Variants in RNF180 observed in about 807,000 individuals in gnomAD.
The protein encoded by RNF180 is ring finger protein 180.
RNF180 carries 38 observed loss-of-function variants against 59.2 expected under a neutral mutation model. The observed-to-expected ratio is 0.64, with a 90% CI of 0.50 to 0.84. The LOEUF (loss-of-function observed/expected upper bound fraction) is 0.84. RNF180 is among the 40% of genes least tolerant of loss of function. RNF180 has a pLI of 0.00. For synonymous variants in RNF180, 262 were observed against 240.3 expected (o/e 1.09, Z -0.84); for missense variants, 705 against 700.9 (o/e 1.01, Z -0.07).
At chr5:64,242,891 G>C (rs1003595533) in intron 5 of RNF180, among the ~76,000 whole-genome samples, 5 of 152,168 alleles carry the variant, frequency 3.3e-5, no homozygotes, top group African/African-American at 1.2e-4. Context: ...GAGTTACCCA[G>C]TTCATCTCAC....
intron 5 of RNF180, among the ~76,000 whole-genome samples, chr5:64,305,218 G>A (rs1233363643): frequency 6.6e-6 from 1 of 151,538 alleles, no homozygotes; most frequent in African/African-American, 2.4e-5. Context: ...AACCCGCAGT[G>A]TCTCCAAGGT....
At chr5:64,343,295 A>C (rs925144642) in intron 7 of RNF180, among the ~76,000 whole-genome samples, 2 of 152,168 alleles carry the variant, frequency 1.3e-5, no homozygotes, top group African/African-American at 4.8e-5. Context: ...CTATAAAAAA[A>C]GAATAAAACA....
chr5:64,317,175 T>C (rs1405376154), intron 5 of RNF180, among the ~76,000 whole-genome samples: 4 of 152,168 alleles, frequency 2.6e-5, no homozygotes, highest in African/African-American at 9.7e-5. Flanking sequence ...CACACACATA[T>C]ACAGGCATAC....
chr5:64,174,685 C>T (rs1266744745), intron 1 of RNF180, among the ~76,000 whole-genome samples: 2 of 152,010 alleles, frequency 1.3e-5, no homozygotes, highest in Non-Finnish European at 2.9e-5. Flanking sequence ...AGTTAAGTTC[C>T]TTATATCTTC....
At chr5:64,168,433 GCTTA>G (rs1479986543) in intron 1 of RNF180, among the ~76,000 whole-genome samples, 13 of 152,314 alleles carry the variant, frequency 8.5e-5, no homozygotes, top group Non-Finnish European at 1.5e-4. Context: ...AGGGGACAGT[GCTTA>G]CTTGTAGGCT....
At position 64,214,220 on chromosome 5, in the gene RNF180, C is replaced by T. The variant is rs1175629996; in HGVS notation, c.894C>T (p.Ala298=). ...PSMLLQRFSV[A]PHETQTQRGG... ...TGCTGCTGCAAAGATTTTCAGTGGC[C>T]CCCCATGAGACCCAGACACAAAGAG... Residue 298 remains alanine, a synonymous_variant, in exon 4 of 8, where the codon GCC becomes GCT. Transcript: ENST00000389100. The T allele has an allele frequency of 1.3e-5, 21 of 1,613,776 alleles. No homozygotes were observed. The highest frequency in any genetic ancestry group is 1.7e-5 in the Non-Finnish European group (20 of 1,179,960).
chr5:64,207,347 A>G (rs1452212085), intron 2 of RNF180, among the ~76,000 whole-genome samples: 1 of 152,068 alleles, frequency 6.6e-6, no homozygotes, highest in East Asian at 1.9e-4. Context: ...GATATGATGG[A>G]TAAGTGAGGA....
chr5:64,174,392 A>G (rs1420819495), intron 1 of RNF180, among the ~76,000 whole-genome samples: 2 of 152,240 alleles, frequency 1.3e-5, no homozygotes, highest in East Asian at 1.9e-4. Flanking sequence ...ACTGTCTTCA[A>G]TAATGGCTGG....
chr5:64,179,001 C>T (rs1438578062), intron 1 of RNF180, among the ~76,000 whole-genome samples: 1 of 152,128 alleles, frequency 6.6e-6, no homozygotes, highest in Non-Finnish European at 1.5e-5. Flanking sequence ...GAACTACTTG[C>T]CCAGGTTATC....
At chr5:64,283,518 T>C (rs1458951811) in intron 5 of RNF180, among the ~76,000 whole-genome samples, 1 of 152,202 alleles carries the variant, frequency 6.6e-6, no homozygotes, top group African/African-American at 2.4e-5. Context: ...CCTTGAATTA[T>C]AATCCTCATA....
At chr5:64,344,052 T>C (rs1398361281) in intron 7 of RNF180, among the ~76,000 whole-genome samples, 1 of 151,692 alleles carries the variant, frequency 6.6e-6, no homozygotes, top group Non-Finnish European at 1.5e-5. Flanking sequence ...AGAGACATCA[T>C]CTAGAGCAGC....
chr5:64,362,157 G>A (rs187908698), intron 7 of RNF180, among the ~76,000 whole-genome samples: 19 of 151,518 alleles, frequency 1.3e-4, no homozygotes, highest in Non-Finnish European at 2.1e-4. Context: ...ATGTCACAAG[G>A]ATTTGATATA....
chr5:64,193,366 G>C (rs1302692141), intron 1 of RNF180, among the ~76,000 whole-genome samples: 1 of 151,866 alleles, frequency 6.6e-6, no homozygotes, highest in Non-Finnish European at 1.5e-5. Context: ...TGATTGTGGT[G>C]GTAGAATCTT....
chr5:64,275,580 T>G (rs1741670435), intron 5 of RNF180, among the ~76,000 whole-genome samples: 1 of 151,844 alleles, frequency 6.6e-6, no homozygotes, highest in Non-Finnish European at 1.5e-5. Flanking sequence ...ATATAATGGG[T>G]ACTTGCTGAA....
At chr5:64,341,085 A>G (rs945105759) in intron 7 of RNF180, among the ~76,000 whole-genome samples, 5 of 152,186 alleles carry the variant, frequency 3.3e-5, no homozygotes, top group Non-Finnish European at 5.9e-5. Flanking sequence ...TGATGCCTTC[A>G]TTTTAAAACA....
intron 2 of RNF180, among the ~76,000 whole-genome samples, chr5:64,207,378 T>C (rs1298777534): frequency 6.6e-6 from 1 of 152,060 alleles, no homozygotes; most frequent in Non-Finnish European, 1.5e-5. Flanking sequence ...GGGAGAACAT[T>C]CCAAGATTCA....
chr5:64,273,414 C>G (rs899238930), intron 5 of RNF180, among the ~76,000 whole-genome samples: 3 of 151,758 alleles, frequency 2.0e-5, no homozygotes, highest in Non-Finnish European at 2.9e-5. Flanking sequence ...CTTGCTTTCA[C>G]TTAAAACAGA....
chr5:64,198,355 A>G, intron 1 of RNF180, among the ~76,000 whole-genome samples: 1 of 152,202 alleles, frequency 6.6e-6, no homozygotes, highest in East Asian at 1.9e-4. Flanking sequence ...GGAGATTCAT[A>G]GAGAGATGTG....
chr5:64,174,470 T>A (rs1750119232), intron 1 of RNF180, among the ~76,000 whole-genome samples: 1 of 152,132 alleles, frequency 6.6e-6, no homozygotes. Context: ...CAGCATTTGT[T>A]ATTTTTTTTT....
Sources: gnomAD v4.1 joint callset for allele counts (sites outside exome capture counted in the v4.1 genomes callset) on GRCh38, gnomAD v4.1.1 for gene constraint, MANE v1.5 for transcripts, NCBI Gene and HGNC (gene_info 2026-07-23, HGNC 2026-07-21) for gene names.